Variants in DLEU7 observed in about 807,000 individuals in gnomAD.
DLEU7 encodes leukemia-associated protein 7.
A neutral mutation model predicts 16.0 loss-of-function variants in DLEU7; 17 were observed. The ratio of observed to expected loss-of-function variants is 1.06; its 90% confidence interval spans 0.73 to 1.59. The LOEUF (loss-of-function observed/expected upper bound fraction) is 1.59. Ranked by LOEUF, DLEU7 falls within the 40% of genes most tolerant of loss-of-function variation. DLEU7 has a pLI of 0.00. For missense variants in DLEU7, 308 were observed against 314.9 expected, an observed-to-expected ratio of 0.98 and a Z score of 0.17; for synonymous variants, 113 against 139.8, an observed-to-expected ratio of 0.81 and a Z score of 1.35.
Position 50,823,632 on chromosome 13 carries a change from T to TA in DLEU7, c.460-113_460-112insT, listed in dbSNP as rs202245648. The TA allele has an allele frequency of 3.2e-3, 4,123 of 1,290,526 alleles. 75 individuals carry two copies. The highest frequency in any genetic ancestry group is 0.027 in the African/African-American group (1,816 of 66,504). 79.9% of individuals were successfully genotyped at this position (1,290,526 alleles called of 1,614,324 possible). A position where few individuals can be genotyped will look rare whatever the true frequency, so the allele number is the denominator to read the frequency against. ...TCTCTTCTGGTGACAGCACTCTGGT[T>TA]TTTTTTTTTCTTGGAAAACTACACC... On this transcript the variant is annotated intron_variant, in intron 1 of 1. Coordinates refer to ENST00000504404, the MANE Select transcript of DLEU7 (RefSeq NM_001306135.2).
chr13:50,815,333 C>T (rs573781477), intron 1 of DLEU7, among the ~76,000 whole-genome samples: 1 of 151,292 alleles, frequency 6.6e-6, no homozygotes, highest in Admixed American at 6.6e-5. Flanking sequence ...AGAAAAATCT[C>T]TACACTCAAA....
At chr13:50,724,952 T>C (rs898924949) in intron 1 of DLEU7, among the ~76,000 whole-genome samples, 1 of 152,192 alleles carries the variant, frequency 6.6e-6, no homozygotes, top group African/African-American at 2.4e-5. Flanking sequence ...ATTTATATGT[T>C]CCCACAACAA....
At chr13:50,776,382 T>TCAGGA (rs1327112111) in intron 1 of DLEU7, among the ~76,000 whole-genome samples, 2 of 152,238 alleles carry the variant, frequency 1.3e-5, no homozygotes, top group African/African-American at 4.8e-5. Flanking sequence ...TTTCACTAAT[T>TCAGGA]TCTTAGCTTC....
intron 1 of DLEU7, among the ~76,000 whole-genome samples, chr13:50,814,787 T>TGTGTGTGTGTGTG (rs57418489): frequency 1.3e-5 from 2 of 149,160 alleles, no homozygotes; most frequent in Admixed American, 6.6e-5. Flanking sequence ...TGTGTGTGTG[T>TGTGTGTGTGTGTG]AGTTCTATGC....
At chr13:50,796,999 G>A (rs1447041991) in intron 1 of DLEU7, among the ~76,000 whole-genome samples, 2 of 152,080 alleles carry the variant, frequency 1.3e-5, no homozygotes, top group Admixed American at 6.6e-5. Context: ...AATAAAATGT[G>A]CTATAGACAA....
chr13:50,768,815 C>T (rs939047146), intron 1 of DLEU7, among the ~76,000 whole-genome samples: 6 of 152,116 alleles, frequency 3.9e-5, no homozygotes, highest in African/African-American at 1.4e-4. Context: ...TGGGATGGCT[C>T]GGTCAAATGG....
chr13:50,787,730 A>G (rs1277593146), intron 1 of DLEU7, among the ~76,000 whole-genome samples: 1 of 151,198 alleles, frequency 6.6e-6, no homozygotes, highest in African/African-American at 2.4e-5. Context: ...ACCTTTAACA[A>G]TGACCTACTA....
chr13:50,790,945 C>T (rs761513619), intron 1 of DLEU7, among the ~76,000 whole-genome samples: 5 of 152,092 alleles, frequency 3.3e-5, no homozygotes, highest in Non-Finnish European at 5.9e-5. Flanking sequence ...CCAAAGAAGG[C>T]AGAAAAGGTG....
chr13:50,716,062 G>A (rs1873431006), intron 1 of DLEU7, among the ~76,000 whole-genome samples: 1 of 152,232 alleles, frequency 6.6e-6, no homozygotes, highest in Non-Finnish European at 1.5e-5. Flanking sequence ...CAAAGTATTT[G>A]TTAGTAACTG....
At chr13:50,834,633 G>C (rs1286364995) in intron 1 of DLEU7, among the ~76,000 whole-genome samples, 1 of 152,138 alleles carries the variant, frequency 6.6e-6, no homozygotes, top group East Asian at 1.9e-4. Context: ...AGACAGTGTG[G>C]TGATTCCTCA....
At chr13:50,762,726 C>A (rs1874974050) in intron 1 of DLEU7, among the ~76,000 whole-genome samples, 1 of 147,988 alleles carries the variant, frequency 6.8e-6, no homozygotes, top group Admixed American at 6.8e-5. Context: ...GGCCACCCCA[C>A]AAAACAAAAC....
chr13:50,757,650 T>C (rs1430685750), intron 1 of DLEU7, among the ~76,000 whole-genome samples: 1 of 152,212 alleles, frequency 6.6e-6, no homozygotes, highest in Non-Finnish European at 1.5e-5. Flanking sequence ...TAAACCTCCA[T>C]CTTTCAGGCT....
chr13:50,838,257 G>A (rs558241577), intron 1 of DLEU7, among the ~76,000 whole-genome samples: 90 of 152,304 alleles, frequency 5.9e-4, no homozygotes, highest in Middle Eastern at 6.8e-3. Context: ...ACCAGAATGC[G>A]CTCATTGAAA....
At chr13:50,741,078 C>G (rs529690751) in intron 1 of DLEU7, among the ~76,000 whole-genome samples, 20 of 152,304 alleles carry the variant, frequency 1.3e-4, no homozygotes, top group African/African-American at 4.8e-4. Flanking sequence ...TAGCTGAAAG[C>G]TAACATCTAA....
chr13:50,753,309 A>G (rs1382765315), intron 1 of DLEU7, among the ~76,000 whole-genome samples: 3 of 152,148 alleles, frequency 2.0e-5, no homozygotes, highest in Non-Finnish European at 2.9e-5. Flanking sequence ...ATGCACCTGC[A>G]CTCCTCAGCC....
chr13:50,822,453 C>T (rs184418921), downstream of DLEU7, among the ~76,000 whole-genome samples: 4 of 151,292 alleles, frequency 2.6e-5, no homozygotes, highest in Admixed American at 2.6e-4. Flanking sequence ...CATTGAACAA[C>T]AAGAAATTTA....
chr13:50,749,791 GT>G (rs1171538493), intron 1 of DLEU7, among the ~76,000 whole-genome samples: 21 of 152,038 alleles, frequency 1.4e-4, no homozygotes, highest in African/African-American at 5.1e-4. Flanking sequence ...GGGATTGTTT[GT>G]TTTATTTCTT....
At chr13:50,805,558 T>C (rs1876364376) in intron 1 of DLEU7, among the ~76,000 whole-genome samples, 1 of 152,220 alleles carries the variant, frequency 6.6e-6, no homozygotes, top group Non-Finnish European at 1.5e-5. Flanking sequence ...TTTTTATATA[T>C]TTTGCATCTA....
chr13:50,771,136 G>A (rs760940940), intron 1 of DLEU7, among the ~76,000 whole-genome samples: 1 of 152,072 alleles, frequency 6.6e-6, no homozygotes, highest in Non-Finnish European at 1.5e-5. Context: ...ATTTTTTATT[G>A]TGTCTATTTG....
Sources: gnomAD v4.1 joint callset for allele counts (sites outside exome capture counted in the v4.1 genomes callset) on GRCh38, gnomAD v4.1.1 for gene constraint, MANE v1.5 for transcripts, NCBI Gene and HGNC (gene_info 2026-07-23, HGNC 2026-07-21) for gene names.